The following CDH6 variants were observed in gnomAD, a reference collection of about 807,000 sequenced individuals.
The protein encoded by CDH6 is cadherin-6.
A neutral mutation model predicts 78.0 loss-of-function variants in CDH6; 31 were observed. The ratio of observed to expected loss-of-function variants is 0.40; its 90% CI spans 0.30 to 0.54. CDH6 has a LOEUF of 0.54. CDH6 is among the 20% of genes least tolerant of loss of function. The pLI is 0.56. For missense variants in CDH6, 724 were observed against 975.9 expected (o/e 0.74, Z 3.44); for synonymous variants, 376 against 368.8 (o/e 1.02, Z -0.23).
intron 6 of CDH6, among the ~76,000 whole-genome samples, chr5:31,302,943 GAA>G (rs1253439823): frequency 8.4e-5 from 11 of 130,230 alleles, no homozygotes; most frequent in African/African-American, 2.6e-4. Context: ...AAGAAAGAAA[GAA>G]AGAAAGAAAG....
chr5:31,240,208 T>A (rs961078325), intron 1 of CDH6, among the ~76,000 whole-genome samples: 3 of 152,222 alleles, frequency 2.0e-5, no homozygotes, highest in African/African-American at 7.2e-5. Flanking sequence ...GAAAAAACTA[T>A]TGCCTTTGTT....
chr5:31,311,054 A>T (rs533506393), intron 7 of CDH6, among the ~76,000 whole-genome samples: 2 of 152,304 alleles, frequency 1.3e-5, no homozygotes, highest in South Asian at 4.1e-4. Context: ...CTCCCCAGAA[A>T]ATGGATCTTT....
At chr5:31,211,964 T>G (rs1740720814) in intron 1 of CDH6, among the ~76,000 whole-genome samples, 1 of 152,186 alleles carries the variant, frequency 6.6e-6, no homozygotes, top group Admixed American at 6.5e-5. Flanking sequence ...ATTAGGAGAC[T>G]AGCTGTATGT....
chr5:31,210,833 T>G (rs1266456497), intron 1 of CDH6, among the ~76,000 whole-genome samples: 1 of 152,192 alleles, frequency 6.6e-6, no homozygotes, highest in Non-Finnish European at 1.5e-5. Context: ...TTCCTGAATA[T>G]TTTTGATCCA....
At chr5:31,264,088 A>T (rs1310459839) in intron 1 of CDH6, among the ~76,000 whole-genome samples, 1 of 152,244 alleles carries the variant, frequency 6.6e-6, no homozygotes, top group Admixed American at 6.5e-5. Context: ...CCCTGTTTCT[A>T]TACCACTACT....
chr5:31,224,445 G>A (rs1169865789), intron 1 of CDH6, among the ~76,000 whole-genome samples: 1 of 152,132 alleles, frequency 6.6e-6, no homozygotes, highest in African/African-American at 2.4e-5. Context: ...ACAAATGACA[G>A]AACTTAAACT....
chr5:31,227,218 C>T (rs753653685), intron 1 of CDH6, among the ~76,000 whole-genome samples: 4 of 152,138 alleles, frequency 2.6e-5, no homozygotes, highest in Non-Finnish European at 5.9e-5. Context: ...AGGAAAGGAA[C>T]GTACGGCGGG....
chr5:31,298,154 A>G (rs187921198), intron 4 of CDH6, among the ~76,000 whole-genome samples: 7 of 152,316 alleles, frequency 4.6e-5, no homozygotes, highest in African/African-American at 1.7e-4. Context: ...TTTCTCCACA[A>G]AGTAGCAACC....
In CDH6 at chr5:31,317,855, C is replaced by T. The variant is rs764002953; in HGVS notation, c.1813C>T (p.Leu605Phe). 17 of 1,613,998 alleles carry T rather than the reference C, an allele frequency of 1.1e-5. No individual in the cohort carries two copies. The highest frequency in any genetic ancestry group is 1.4e-5 in the Non-Finnish European group (16 of 1,180,004). The change falls in exon 11 of 12, where the codon CTC becomes TTC. Residue 605 changes from leucine to phenylalanine, a missense_variant. Physicochemically the swap from Leu to Phe is conservative, Grantham distance 22. Transcript: ENST00000265071. ...GNMQSCHAEALIHPTGLSTGA... is the reference protein window; with the variant it reads ...GNMQSCHAEAFIHPTGLSTGA... ...CATGCAATCCTGCCATGCGGAGGCG[C>T]TCATCCACCCCACGGGACTGAGCAC...
intron 1 of CDH6, among the ~76,000 whole-genome samples, chr5:31,262,095 C>T (rs528676057): frequency 1.3e-5 from 2 of 152,258 alleles, no homozygotes; most frequent in South Asian, 2.1e-4. Context: ...CAAAAGAAAA[C>T]GTCAGCCCAG....
intron 1 of CDH6, among the ~76,000 whole-genome samples, chr5:31,249,054 T>C (rs538698281): frequency 1.3e-5 from 2 of 152,356 alleles, no homozygotes; most frequent in South Asian, 4.1e-4. Flanking sequence ...AGGTTATGCA[T>C]ATGTTAATTA....
chr5:31,256,888 A>T (rs1301288277), intron 1 of CDH6, among the ~76,000 whole-genome samples: 2 of 152,210 alleles, frequency 1.3e-5, no homozygotes, highest in African/African-American at 2.4e-5. Flanking sequence ...AATTGTATAC[A>T]TGAGAAACAA....
chr5:31,231,950 T>C (rs1358630496), intron 1 of CDH6, among the ~76,000 whole-genome samples: 1 of 152,234 alleles, frequency 6.6e-6, no homozygotes, highest in Non-Finnish European at 1.5e-5. Context: ...GTAAGCCTAC[T>C]ATAATTATGT....
intron 1 of CDH6, among the ~76,000 whole-genome samples, chr5:31,239,943 T>C (rs569852904): frequency 1.3e-5 from 2 of 152,320 alleles, no homozygotes; most frequent in African/African-American, 2.4e-5. Flanking sequence ...ATCTTTCAGA[T>C]AAATGAATAG....
chr5:31,210,386 C>T (rs964217341), intron 1 of CDH6, among the ~76,000 whole-genome samples: 1 of 152,102 alleles, frequency 6.6e-6, no homozygotes, highest in African/African-American at 2.4e-5. Context: ...TGCCTGTAAT[C>T]CCAGCTACTC....
chr5:31,211,994 G>A (rs1433832714), intron 1 of CDH6, among the ~76,000 whole-genome samples: 1 of 152,160 alleles, frequency 6.6e-6, no homozygotes, highest in Non-Finnish European at 1.5e-5. Flanking sequence ...TTGGAGAAAA[G>A]GGGGTATCTC....
intron 1 of CDH6, among the ~76,000 whole-genome samples, chr5:31,217,076 C>T (rs1740887146): frequency 6.6e-6 from 1 of 152,088 alleles, no homozygotes; most frequent in South Asian, 2.1e-4. Flanking sequence ...TGTATAGGTG[C>T]AACAATATAG....
Position 31,196,971 on chromosome 5 carries a change from C to A in CDH6, c.-129+3085C>A, listed in dbSNP as rs538922706. 1.8e-3 allele frequency among the ~76,000 whole-genome samples: 275 copies of A among 151,096 alleles called. 1 individual carries two copies. The highest frequency in any genetic ancestry group is 3.6e-3 in the Admixed American group (54 of 15,140). On this transcript the variant is annotated intron_variant, in intron 1 of 11. Transcript: ENST00000265071. Reference sequence around the variant, plus strand: ...AGCGCCGCCGCCCCCCGCCCCCCAACCAACAACAAGAAAAGAAATATTTGC... The same window carrying A: ...AGCGCCGCCGCCCCCCGCCCCCCAAACAACAACAAGAAAAGAAATATTTGC...
chr5:31,317,591 ATATC>A (rs749967287), intron 10 of CDH6, 78 bp from the exon 11 acceptor site: 79 of 1,546,394 alleles, frequency 5.1e-5, no homozygotes, highest in Non-Finnish European at 6.5e-5. Context: ...ATCTGTATCT[ATATC>A]TATCTTTTCT....
Sources: allele counts gnomAD v4.1 joint callset (sites outside exome capture counted in the v4.1 genomes callset), GRCh38; gene constraint gnomAD v4.1.1; transcripts MANE v1.5; gene names NCBI Gene and HGNC (gene_info 2026-07-23, HGNC 2026-07-21).